The following ARHGAP24 variants were observed in gnomAD, a reference collection of about 807,000 sequenced individuals.
The protein encoded by ARHGAP24 is Rho GTPase activating protein 24, also known as rho GTPase-activating protein 24.
A neutral mutation model predicts 76.4 loss-of-function variants in ARHGAP24; 50 were observed. The ratio of observed to expected loss-of-function variants is 0.65; its 90% CI spans 0.52 to 0.83. The LOEUF (loss-of-function observed/expected upper bound fraction) is 0.83. Ranked by LOEUF, ARHGAP24 falls within the 40% of genes least tolerant of loss-of-function variation. ARHGAP24 has a pLI of 0.00. For missense variants in ARHGAP24, 930 were observed against 914.2 expected (o/e 1.02, Z -0.22); for synonymous variants, 345 against 323.3 (o/e 1.07, Z -0.72).
chr4:85,962,545 A>C (rs1048922845), intron 5 of ARHGAP24, among the ~76,000 whole-genome samples: 1 of 151,968 alleles, frequency 6.6e-6, no homozygotes, highest in African/African-American at 2.4e-5. Flanking sequence ...ATTTCTACAA[A>C]TGTGTTTTCT....
At chr4:85,758,520 T>A (rs868781672) in intron 3 of ARHGAP24, among the ~76,000 whole-genome samples, 7 of 152,186 alleles carry the variant, frequency 4.6e-5, no homozygotes, top group Admixed American at 1.3e-4. Context: ...GGAATATCAC[T>A]CTCATTACCT....
intron 5 of ARHGAP24, among the ~76,000 whole-genome samples, chr4:85,970,114 G>A (rs13127513): frequency 0.21 from 31,834 of 152,062 alleles, 3,592 homozygotes; most frequent in South Asian, 0.39. Context: ...CCTGAAGGAG[G>A]TGAAGTCCTA....
intron 2 of ARHGAP24, among the ~76,000 whole-genome samples, chr4:85,717,802 C>T (rs1358572861): frequency 6.6e-6 from 1 of 152,120 alleles, no homozygotes; most frequent in Non-Finnish European, 1.5e-5. Context: ...AATACTGTCA[C>T]ACTCATTTGT....
intron 2 of ARHGAP24, among the ~76,000 whole-genome samples, chr4:85,576,569 T>C (rs1201741130): frequency 1.3e-5 from 2 of 152,184 alleles, no homozygotes; most frequent in East Asian, 1.9e-4. Flanking sequence ...AAAATAATAC[T>C]AGAAACCTTG....
chr4:85,605,128 G>T (rs1407060555), intron 2 of ARHGAP24, among the ~76,000 whole-genome samples: 1 of 152,186 alleles, frequency 6.6e-6, no homozygotes, highest in East Asian at 1.9e-4. Flanking sequence ...ATGTGTATTA[G>T]AATGTAAGTG....
intron 2 of ARHGAP24, among the ~76,000 whole-genome samples, chr4:85,591,635 G>A (rs1728114564): frequency 6.6e-6 from 1 of 152,136 alleles, no homozygotes; most frequent in South Asian, 2.1e-4. Context: ...CAAGTCATTA[G>A]TTAAAGTATT....
At chr4:85,845,716 T>C (rs1730846180) in intron 3 of ARHGAP24, among the ~76,000 whole-genome samples, 1 of 152,106 alleles carries the variant, frequency 6.6e-6, no homozygotes, top group African/African-American at 2.4e-5. Context: ...GATTATGGAT[T>C]GGAAACTCCC....
At chr4:85,905,565 T>A (rs1020947625) in intron 3 of ARHGAP24, among the ~76,000 whole-genome samples, 5 of 152,190 alleles carry the variant, frequency 3.3e-5, no homozygotes, top group African/African-American at 1.2e-4. Context: ...TCCTTGAAAA[T>A]GTCTGCAAGT....
At chr4:85,869,533 G>C (rs902204943) in intron 3 of ARHGAP24, among the ~76,000 whole-genome samples, 1 of 152,102 alleles carries the variant, frequency 6.6e-6, no homozygotes, top group Non-Finnish European at 1.5e-5. Context: ...TGGATGGGGT[G>C]GGGGAGGGAG....
intron 5 of ARHGAP24, among the ~76,000 whole-genome samples, chr4:85,969,690 C>A (rs2148849310): frequency 6.6e-6 from 1 of 152,102 alleles, no homozygotes; most frequent in East Asian, 1.9e-4. Flanking sequence ...GCAGATATAG[C>A]AAGAAAAACA....
chr4:85,698,951 A>C (rs930822277), intron 2 of ARHGAP24, among the ~76,000 whole-genome samples: 3 of 150,692 alleles, frequency 2.0e-5, no homozygotes, highest in Middle Eastern at 3.4e-3. Context: ...TGGTACCACC[A>C]CCCCCCACTT....
At chr4:85,744,272 A>C (rs1006707483) in intron 3 of ARHGAP24, among the ~76,000 whole-genome samples, 1 of 152,194 alleles carries the variant, frequency 6.6e-6, no homozygotes, top group Non-Finnish European at 1.5e-5. Context: ...ATTTGGATTA[A>C]GCTTCAATCC....
intron 3 of ARHGAP24, among the ~76,000 whole-genome samples, chr4:85,742,803 AC>A (rs1322720842): frequency 3.9e-5 from 6 of 152,236 alleles, no homozygotes; most frequent in Non-Finnish European, 8.8e-5. Context: ...GGAGGCAAAA[AC>A]AATTGCCTTA....
intron 5 of ARHGAP24, 104 bp downstream of exon 5, chr4:85,942,377 T>C: frequency 7.6e-7 from 1 of 1,316,718 alleles, no homozygotes; most frequent in Non-Finnish European, 1.1e-6. Context: ...GTGGTAACAG[T>C]TTACAACATA....
chr4:85,502,789 T>C (rs1341060541), intron 1 of ARHGAP24, among the ~76,000 whole-genome samples: 5 of 152,216 alleles, frequency 3.3e-5, no homozygotes, highest in African/African-American at 1.2e-4. Context: ...GGCATCCTTG[T>C]CTTGTGCCAG....
intron 2 of ARHGAP24, among the ~76,000 whole-genome samples, chr4:85,625,701 A>G (rs1052805333): frequency 6.6e-6 from 1 of 152,130 alleles, no homozygotes; most frequent in African/African-American, 2.4e-5. Context: ...ATTCTGTGGG[A>G]GTCTAAGTCT....
At chr4:85,935,177 C>G (rs1283644318) in intron 4 of ARHGAP24, among the ~76,000 whole-genome samples, 1 of 152,188 alleles carries the variant, frequency 6.6e-6, no homozygotes, top group Non-Finnish European at 1.5e-5. Context: ...CTATCCAAAT[C>G]TATATAATTT....
At chr4:85,510,385 A>G (rs1022535283) in intron 1 of ARHGAP24, among the ~76,000 whole-genome samples, 4 of 151,564 alleles carry the variant, frequency 2.6e-5, no homozygotes, top group African/African-American at 9.7e-5. Flanking sequence ...TATTCAGCAT[A>G]TTTTCCCTCC....
chr4:85,788,121 G>A (rs910161867), intron 3 of ARHGAP24, among the ~76,000 whole-genome samples: 9 of 152,272 alleles, frequency 5.9e-5, no homozygotes, highest in South Asian at 2.1e-4. Flanking sequence ...ACACAGGGAT[G>A]AGGAAGCCAG....
Sources: gnomAD v4.1 joint callset for allele counts (sites outside exome capture counted in the v4.1 genomes callset) on GRCh38, gnomAD v4.1.1 for gene constraint, MANE v1.5 for transcripts, NCBI Gene and HGNC (gene_info 2026-07-23, HGNC 2026-07-21) for gene names.